The following C12orf54 variants were observed in gnomAD, a reference collection of about 807,000 sequenced individuals.
C12orf54 encodes chromosome 12 open reading frame 54.
C12orf54 carries 24 observed loss-of-function variants against 26.4 expected under a neutral mutation model. That is an observed-to-expected ratio of 0.91 (90% CI 0.66 to 1.28). The LOEUF (loss-of-function observed/expected upper bound fraction) is 1.28. C12orf54 is among the 50% of genes most tolerant of loss of function. The pLI, the probability that C12orf54 is intolerant of heterozygous loss-of-function variation, is 0.00. For synonymous variants in C12orf54, 54 were observed against 47.0 expected (o/e 1.15, Z -0.61); for missense variants, 154 against 150.9 (o/e 1.02, Z -0.11).
the C12orf54 span, among the ~76,000 whole-genome samples, chr12:48,467,906 G>T: frequency 6.6e-6 from 1 of 152,136 alleles, no homozygotes; most frequent in Non-Finnish European, 1.5e-5. Flanking sequence ...GCAGAGGGGT[G>T]CCTCTCCTCT....
the C12orf54 span, among the ~76,000 whole-genome samples, chr12:48,428,094 G>T: frequency 1.3e-5 from 2 of 152,024 alleles, no homozygotes; most frequent in African/African-American, 2.4e-5. Context: ...ATGAAATCAA[G>T]ATGGAAATTT....
upstream of C12orf54, among the ~76,000 whole-genome samples, chr12:48,481,480 G>A (rs971953144): frequency 3.3e-5 from 5 of 152,148 alleles, no homozygotes; most frequent in African/African-American, 1.2e-4. Context: ...TAAGAAGGTG[G>A]TGTGCAGAGA....
chr12:48,485,578 T>A (rs1954250796), intron 2 of C12orf54, among the ~76,000 whole-genome samples: 1 of 152,142 alleles, frequency 6.6e-6, no homozygotes, highest in Admixed American at 6.5e-5. Flanking sequence ...TCACCCTTCT[T>A]CTTTCTTCCA....
the C12orf54 span, among the ~76,000 whole-genome samples, chr12:48,470,358 TA>T: frequency 1.3e-5 from 2 of 152,244 alleles, no homozygotes; most frequent in African/African-American, 4.8e-5. Flanking sequence ...CAACATCTGT[TA>T]TTTTTTTACT....
chr12:48,488,481 C>CG lies in C12orf54; in HGVS notation c.136-443_136-442insG, dbSNP rs1555142563. On this transcript the variant is annotated intron_variant, in intron 4 of 8. Coordinates refer to ENST00000548364, the MANE Select transcript of C12orf54 (RefSeq NM_152319.4). ...ATTTTGCATTGAATAAACTTACAGC[C>CG]AAAAAAAAAAAAAAGAAAGAAAGAA... is the stretch of plus-strand genomic sequence containing the variant. 3 of 204,168 alleles carry CG rather than the reference C, an allele frequency of 1.5e-5. No individual in the cohort carries two copies. The East Asian group carries it at 3.7e-4, about 25-fold the overall frequency. The allele number at this position is 204,168 out of a possible 1,614,324, so 12.6% of individuals were successfully genotyped here. A position where few individuals can be genotyped will look rare whatever the true frequency, so the allele number is the denominator to read the frequency against.
chr12:48,447,967 A>G, the C12orf54 span, among the ~76,000 whole-genome samples: 1 of 152,178 alleles, frequency 6.6e-6, no homozygotes. Flanking sequence ...AGAATGCATG[A>G]GAAGTAATGT....
At chr12:48,449,053 G>A in the C12orf54 span, among the ~76,000 whole-genome samples, 2 of 152,332 alleles carry the variant, frequency 1.3e-5, no homozygotes, top group Non-Finnish European at 2.9e-5. Context: ...AATTGGTTGA[G>A]TTTGTCTAAA....
the C12orf54 span, among the ~76,000 whole-genome samples, chr12:48,434,228 A>G: frequency 6.6e-6 from 1 of 152,192 alleles, no homozygotes; most frequent in Non-Finnish European, 1.5e-5. Context: ...GGCGCCCGCC[A>G]TTGCCCAGGG....
the C12orf54 span, among the ~76,000 whole-genome samples, chr12:48,470,375 G>T: frequency 2.8e-4 from 42 of 152,112 alleles, no homozygotes; most frequent in South Asian, 5.8e-3. Context: ...TTACTTTTTG[G>T]TAATAGCCAT....
the C12orf54 span, chr12:48,442,191 C>T: frequency 2.1e-5 from 4 of 186,854 alleles, no homozygotes; most frequent in Non-Finnish European, 4.7e-5. Flanking sequence ...CGGAGTAATC[C>T]GGAGCCATAA....
At chr12:48,473,386 C>A in the C12orf54 span, 2 of 959,154 alleles carry the variant, frequency 2.1e-6, no homozygotes, top group Non-Finnish European at 3.2e-6. Flanking sequence ...AAATAAGAAA[C>A]TGAAGATGAG....
the C12orf54 span, among the ~76,000 whole-genome samples, chr12:48,437,705 C>T: frequency 6.6e-6 from 1 of 152,216 alleles, no homozygotes; most frequent in Non-Finnish European, 1.5e-5. Flanking sequence ...TTCAACAATG[C>T]TTCATGCTAA....
chr12:48,459,694 A>T, the C12orf54 span, among the ~76,000 whole-genome samples: 1 of 152,228 alleles, frequency 6.6e-6, no homozygotes, highest in African/African-American at 2.4e-5. Flanking sequence ...GTTGCAGTTT[A>T]TTACAAGGAA....
upstream of C12orf54, among the ~76,000 whole-genome samples, chr12:48,478,887 G>A (rs1267342141): frequency 6.6e-6 from 1 of 152,206 alleles, no homozygotes; most frequent in East Asian, 1.9e-4. Flanking sequence ...AGAGGATGTG[G>A]AGAAACAGGA....
At chr12:48,486,752 C>T in intron 4 of C12orf54, 26 bp downstream of exon 4, 1 of 1,605,620 alleles carries the variant, frequency 6.2e-7, no homozygotes, top group Non-Finnish European at 8.5e-7. Flanking sequence ...TCATTTTTGA[C>T]AGCATGGCAT....
the C12orf54 span, chr12:48,417,227 G>C: frequency 1.3e-5 from 2 of 152,226 alleles, no homozygotes; most frequent in Non-Finnish European, 2.9e-5. Flanking sequence ...TTCTCTATCA[G>C]GGCCAGGAAG....
the C12orf54 span, among the ~76,000 whole-genome samples, chr12:48,414,859 G>C: frequency 6.6e-6 from 1 of 152,226 alleles, no homozygotes; most frequent in East Asian, 1.9e-4. Flanking sequence ...CCTCAGGTTT[G>C]GCAGGACCTG....
chr12:48,467,612 G>A, the C12orf54 span, among the ~76,000 whole-genome samples: 26 of 152,090 alleles, frequency 1.7e-4, no homozygotes, highest in Admixed American at 1.2e-3. Context: ...ATAAGGGAAA[G>A]AAAATCCATG....
At chr12:48,470,055 T>C in the C12orf54 span, among the ~76,000 whole-genome samples, 133,893 of 152,202 alleles carry the variant, frequency 0.88, 58,955 homozygotes, top group East Asian at 0.97. Context: ...TGCTATTCCA[T>C]GGTGTCTATG....
Sources: gnomAD v4.1 joint callset for allele counts (sites outside exome capture counted in the v4.1 genomes callset) on GRCh38, gnomAD v4.1.1 for gene constraint, MANE v1.5 for transcripts, NCBI Gene and HGNC (gene_info 2026-07-23, HGNC 2026-07-21) for gene names.